CDK6: variants seen among roughly 807,000 people sequenced by gnomAD.
The protein encoded by CDK6 is cyclin dependent kinase 6.
Under a neutral mutation model 37.1 loss-of-function variants are expected in CDK6, and 6 were observed. The ratio of observed to expected loss-of-function variants is 0.16; its 90% CI spans 0.09 to 0.32. The LOEUF (loss-of-function observed/expected upper bound fraction) is 0.32, where lower values mean the gene tolerates loss of function less well. CDK6 is among the 10% of genes least tolerant of loss of function. The pLI, the probability that CDK6 is intolerant of heterozygous loss-of-function variation, is 1.00. For synonymous variants in CDK6, 160 were observed against 161.3 expected, an observed-to-expected ratio of 0.99 and a Z score of 0.06; for missense variants, 224 against 418.9, an observed-to-expected ratio of 0.53 and a Z score of 4.06.
chr7:92,717,144 T>C (rs1798246384), intron 4 of CDK6, among the ~76,000 whole-genome samples: 1 of 151,226 alleles, frequency 6.6e-6, no homozygotes, highest in Non-Finnish European at 1.5e-5. Context: ...GAATTTGAGA[T>C]CAGCCTGGGC....
intron 5 of CDK6, among the ~76,000 whole-genome samples, chr7:92,635,063 G>T (rs1171588758): frequency 6.6e-6 from 1 of 152,166 alleles, no homozygotes; most frequent in South Asian, 2.1e-4. Flanking sequence ...TGCAGTAAGT[G>T]CTCAGAGGGA....
intron 2 of CDK6, among the ~76,000 whole-genome samples, chr7:92,814,063 G>A (rs1800958814): frequency 6.6e-6 from 1 of 152,156 alleles, no homozygotes; most frequent in African/African-American, 2.4e-5. Context: ...TTAATTCATA[G>A]TGGGCTTATT....
chr7:92,744,140 G>A (rs1221953832), intron 3 of CDK6, among the ~76,000 whole-genome samples: 1 of 152,160 alleles, frequency 6.6e-6, no homozygotes, highest in African/African-American at 2.4e-5. Context: ...TTCATGGACT[G>A]GCACAGAGAC....
At position 92,611,785 on chromosome 7, in the gene CDK6, T is replaced by G. The variant is rs1795567401; in HGVS notation, c.*3355A>C. 8.7e-6 allele frequency: 2 copies of G among 229,834 alleles called. No homozygotes were observed. Among genetic ancestry groups the G allele is most frequent in the African/African-American group, 2.2e-5 (1 of 45,292 alleles). The allele number at this position is 229,834 out of a possible 1,614,324, so 14.2% of individuals were successfully genotyped here. The stretch of plus-strand genomic sequence containing the variant: ...CTTTCATTTTTATTTAACACAATGC[T>G]GAGATTCTATTCTTAGGTGAATAAT... On this transcript the variant is annotated 3_prime_UTR_variant, in exon 8 of 8. Transcript: ENST00000424848.
intron 3 of CDK6, among the ~76,000 whole-genome samples, chr7:92,771,186 A>C (rs1022107421): frequency 1.3e-5 from 2 of 151,114 alleles, no homozygotes; most frequent in Non-Finnish European, 3.0e-5. Flanking sequence ...CAGTGAGTTG[A>C]GATCGCGCCA....
chr7:92,704,603 G>A (rs1391458710), intron 4 of CDK6, among the ~76,000 whole-genome samples: 4 of 151,998 alleles, frequency 2.6e-5, no homozygotes, highest in African/African-American at 9.7e-5. Flanking sequence ...CTTCATTTTT[G>A]TTTTATTCCC....
intron 5 of CDK6, among the ~76,000 whole-genome samples, chr7:92,650,900 T>TA (rs1175495359): frequency 1.3e-5 from 2 of 152,138 alleles, no homozygotes; most frequent in Non-Finnish European, 2.9e-5. Context: ...CTCTCTCTTT[T>TA]TTTTTTTTTA....
At chr7:92,638,537 G>A (rs1796227996) in intron 5 of CDK6, among the ~76,000 whole-genome samples, 1 of 152,168 alleles carries the variant, frequency 6.6e-6, no homozygotes, top group Non-Finnish European at 1.5e-5. Flanking sequence ...GCTCTGACAG[G>A]TAGCAGGACA....
intron 2 of CDK6, among the ~76,000 whole-genome samples, chr7:92,799,613 A>G (rs1312725098): frequency 1.3e-5 from 2 of 152,014 alleles, no homozygotes; most frequent in Non-Finnish European, 2.9e-5. Context: ...TGTCAGAGGC[A>G]ATTTTGAACC....
In CDK6 at chr7:92,770,559, C is replaced by T. The variant is rs539000526; in HGVS notation, c.369+4137G>A. 7.7e-4 allele frequency among the ~76,000 whole-genome samples: 117 copies of T among 152,092 alleles called. 1 individual carries two copies. The highest frequency in any genetic ancestry group is 5.8e-3 in the South Asian group (28 of 4,812). On this transcript the variant is annotated intron_variant, in intron 3 of 7. Coordinates refer to ENST00000424848, the MANE Select transcript of CDK6 (RefSeq NM_001145306.2). Reference sequence around the variant, plus strand: ...TATGGCTTATGGTGTGGTTTAATGTCTTTTTTATTTTTCGAAAACAAATGG... The same window carrying T: ...TATGGCTTATGGTGTGGTTTAATGTTTTTTTTATTTTTCGAAAACAAATGG...
chr7:92,712,942 C>T (rs890664895), intron 4 of CDK6, among the ~76,000 whole-genome samples: 1 of 152,100 alleles, frequency 6.6e-6, no homozygotes, highest in African/African-American at 2.4e-5. Context: ...TGGCTCACTG[C>T]AACCTCCGCC....
At chr7:92,714,522 C>T (rs1256606910) in intron 4 of CDK6, among the ~76,000 whole-genome samples, 2 of 152,108 alleles carry the variant, frequency 1.3e-5, no homozygotes, top group African/African-American at 4.8e-5. Context: ...TCCTTCACCT[C>T]CCCAAACGGG....
intron 2 of CDK6, among the ~76,000 whole-genome samples, chr7:92,776,318 A>G (rs1799851397): frequency 6.6e-6 from 1 of 152,196 alleles, no homozygotes; most frequent in African/African-American, 2.4e-5. Context: ...ATTGATGGGC[A>G]TTTGGGTTGA....
At chr7:92,781,834 C>T (rs1482792802) in intron 2 of CDK6, among the ~76,000 whole-genome samples, 4 of 152,150 alleles carry the variant, frequency 2.6e-5, no homozygotes, top group Non-Finnish European at 5.9e-5. Context: ...ATCTAATCTC[C>T]TCCTCTTAAG....
At chr7:92,765,738 A>T (rs950779311) in intron 3 of CDK6, among the ~76,000 whole-genome samples, 2 of 152,188 alleles carry the variant, frequency 1.3e-5, no homozygotes, top group African/African-American at 4.8e-5. Context: ...TTAAAGTCTC[A>T]TCTAGTTGGG....
intron 3 of CDK6, among the ~76,000 whole-genome samples, chr7:92,753,860 T>C (rs1246022601): frequency 2.0e-5 from 3 of 152,226 alleles, no homozygotes; most frequent in Non-Finnish European, 4.4e-5. Flanking sequence ...TCATAACTCC[T>C]GTGCTGAGTC....
chr7:92,802,107 T>C (rs1363737730), intron 2 of CDK6, among the ~76,000 whole-genome samples: 1 of 151,140 alleles, frequency 6.6e-6, no homozygotes, highest in Non-Finnish European at 1.5e-5. Flanking sequence ...GAAGTCAGGG[T>C]CTTCAGTGCA....
intron 2 of CDK6, among the ~76,000 whole-genome samples, chr7:92,811,814 G>C (rs1800892884): frequency 6.6e-6 from 1 of 152,218 alleles, no homozygotes; most frequent in South Asian, 2.1e-4. Context: ...AAAATATTCT[G>C]AAGGAGAGGA....
intron 7 of CDK6, among the ~76,000 whole-genome samples, chr7:92,616,945 C>G (rs1365659067): frequency 1.3e-5 from 2 of 152,140 alleles, no homozygotes; most frequent in African/African-American, 4.8e-5. Context: ...ACTTCAGGAA[C>G]AAGGTTGCCA....
Sources: gnomAD v4.1 joint callset for allele counts (sites outside exome capture counted in the v4.1 genomes callset) on GRCh38, gnomAD v4.1.1 for gene constraint, MANE v1.5 for transcripts, NCBI Gene and HGNC (gene_info 2026-07-23, HGNC 2026-07-21) for gene names.